ANKRD28: variants seen among roughly 807,000 people sequenced by gnomAD.
ANKRD28 encodes the protein serine/threonine-protein phosphatase 6 regulatory ankyrin repeat subunit A.
ANKRD28 carries 44 observed loss-of-function variants against 126.5 expected under a neutral mutation model. That is an observed-to-expected ratio of 0.35 (90% CI 0.27 to 0.45). ANKRD28 has a LOEUF of 0.45. ANKRD28 is among the 20% of genes least tolerant of loss of function. The pLI is 1.00. For missense variants in ANKRD28, 1,110 were observed against 1,316.6 expected, an observed-to-expected ratio of 0.84 and a Z score of 2.43; for synonymous variants, 442 against 468.5, an observed-to-expected ratio of 0.94 and a Z score of 0.73.
Position 15,679,387 on chromosome 3 carries a change from G to A in ANKRD28, c.2478-3C>T. The stretch of plus-strand genomic sequence containing the variant: ...CAGCACCTTCGTTGTCATTTATCCT[G>A]TGTAAGGTAACAAGGTGATCATTCT... On this transcript the variant is annotated splice_polypyrimidine_tract_variant and splice_region_variant and intron_variant, in intron 22 of 27. Coordinates refer to ENST00000683139, the MANE Select transcript of ANKRD28 (RefSeq NM_001349278.2). The A allele has an allele frequency of 6.2e-7, 1 of 1,613,796 alleles. No homozygotes were observed. Among genetic ancestry groups the A allele is most frequent in the Non-Finnish European group, 8.5e-7 (1 of 1,179,728 alleles).
At chr3:15,747,263 C>T (rs761014828) in intron 4 of ANKRD28, among the ~76,000 whole-genome samples, 4 of 151,068 alleles carry the variant, frequency 2.6e-5, no homozygotes, top group Non-Finnish European at 5.9e-5. Flanking sequence ...TCTTGTTTCT[C>T]CAGTTCTGTG....
intron 6 of ANKRD28, among the ~76,000 whole-genome samples, chr3:15,726,564 G>T (rs1481933023): frequency 6.6e-6 from 1 of 152,192 alleles, no homozygotes; most frequent in Non-Finnish European, 1.5e-5. Flanking sequence ...TCCAGCAAAG[G>T]TTGATTCATG....
At chr3:15,806,471 C>A (rs972165650) in intron 1 of ANKRD28, among the ~76,000 whole-genome samples, 6 of 152,038 alleles carry the variant, frequency 3.9e-5, no homozygotes, top group Non-Finnish European at 8.8e-5. Flanking sequence ...TCATCATTAC[C>A]TCTTAGAAGG....
intron 6 of ANKRD28, 80 bp from the exon 7 acceptor site, chr3:15,724,604 A>G: frequency 7.5e-7 from 1 of 1,342,140 alleles, no homozygotes. Context: ...TCTTTAAGCA[A>G]ATTTAAAAAA....
In ANKRD28 at chr3:15,796,508, C is replaced by T; in HGVS notation, c.14G>A (p.Cys5Tyr). The T allele has an allele frequency of 7.8e-7, 1 of 1,286,792 alleles. No individual in the cohort carries two copies. The highest frequency in any genetic ancestry group is 1.0e-6 in the Non-Finnish European group (1 of 987,356). 79.7% of individuals were successfully genotyped at this position (1,286,792 alleles called of 1,614,324 possible). Residue 5 changes from cysteine to tyrosine, a missense_variant, in exon 1 of 28, where the codon TGT (cysteine) becomes TAT (tyrosine). Physicochemically the swap from Cys to Tyr is radical, Grantham distance 194. Coordinates refer to ENST00000683139, the MANE Select transcript of ANKRD28 (RefSeq NM_001349278.2). ...TTCTACCTCCTCCAAAACAACAATA[C>T]ACACTCGACTCATTCGATCTTTTAA... MSRVCIVVLEEVEDE... is the reference protein window; with the variant it reads MSRVYIVVLEEVEDE...
chr3:15,749,945 T>C (rs971277490), intron 4 of ANKRD28, among the ~76,000 whole-genome samples: 4 of 152,196 alleles, frequency 2.6e-5, no homozygotes, highest in Admixed American at 2.6e-4. Flanking sequence ...TGTGTTTCTG[T>C]TTAGTCATCT....
chr3:15,688,132 A>G (rs552677892), intron 18 of ANKRD28, among the ~76,000 whole-genome samples: 5 of 150,092 alleles, frequency 3.3e-5, no homozygotes, highest in Middle Eastern at 3.4e-3. Flanking sequence ...GGGACTGGCT[A>G]ATGTCTCAGT....
At chr3:15,728,584 T>C (rs567595830) in intron 6 of ANKRD28, among the ~76,000 whole-genome samples, 34 of 152,210 alleles carry the variant, frequency 2.2e-4, no homozygotes, top group Non-Finnish European at 4.4e-4. Flanking sequence ...TGTGAGCCAC[T>C]GCAGGGAGAC....
At chr3:15,848,938 T>C (rs983018895) in intron 1 of ANKRD28, among the ~76,000 whole-genome samples, 2 of 152,112 alleles carry the variant, frequency 1.3e-5, no homozygotes, top group African/African-American at 4.8e-5. Flanking sequence ...TCACGGAAAA[T>C]TATCTCTAGC....
rs1008732540 is a variant in ANKRD28, at chr3:15,853,712, G to A, written c.27+5665C>T. Among the ~76,000 whole-genome samples, 4 of 151,958 alleles carry A rather than the reference G, an allele frequency of 2.6e-5. No homozygotes were observed. Among genetic ancestry groups the A allele is most frequent in the Non-Finnish European group, 4.4e-5 (3 of 67,982 alleles). ...TCTCGATCTCCTGACCTCATGATCC[G>A]CCCGCCTCGGTCTCCCAAAGTGCTG... is the stretch of plus-strand genomic sequence containing the variant. On this transcript the variant is annotated intron_variant, in intron 1 of 27. Coordinates refer to the ANKRD28 transcript ENST00000399451. The surrounding 1 kb of genome is among the most constrained non-coding windows in gnomAD (Gnocchi z 4.2).
chr3:15,749,903 G>C (rs1274672980), intron 4 of ANKRD28, among the ~76,000 whole-genome samples: 3 of 152,208 alleles, frequency 2.0e-5, no homozygotes, highest in Non-Finnish European at 4.4e-5. Flanking sequence ...GGAGGTAGCA[G>C]GGGAGTGAAG....
intron 12 of ANKRD28, among the ~76,000 whole-genome samples, chr3:15,710,020 A>G (rs977257312): frequency 1.7e-4 from 24 of 142,276 alleles, no homozygotes; most frequent in Non-Finnish European, 7.5e-5. Flanking sequence ...GGCTTTAGGA[A>G]ACAACTTGCT....
chr3:15,706,933 G>A (rs2071519438), intron 14 of ANKRD28, among the ~76,000 whole-genome samples: 1 of 151,778 alleles, frequency 6.6e-6, no homozygotes, highest in African/African-American at 2.4e-5. Flanking sequence ...TTTTTGATGG[G>A]GTTGTTTGAA....
intron 6 of ANKRD28, chr3:15,731,802 ATCACGCC>A (rs1325253329): frequency 7.5e-6 from 1 of 132,572 alleles, no homozygotes; most frequent in Non-Finnish European, 1.6e-5. Flanking sequence ...GTGAGCCGAG[ATCACGCC>A]ATTGCACTCC....
intron 21 of ANKRD28, 25 bp downstream of exon 21, chr3:15,685,200 TA>T: frequency 6.3e-7 from 1 of 1,587,854 alleles, no homozygotes; most frequent in Non-Finnish European, 8.6e-7. Context: ...TACACAATGA[TA>T]TGCATTTGTG....
chr3:15,829,279 A>C (rs904974281), intron 1 of ANKRD28, among the ~76,000 whole-genome samples: 2 of 152,204 alleles, frequency 1.3e-5, no homozygotes, highest in Non-Finnish European at 2.9e-5. Context: ...TGTCTGGCTT[A>C]ACAGAAAATA....
At chr3:15,766,170 T>A in intron 3 of ANKRD28, 64 bp downstream of exon 3, 1 of 1,288,214 alleles carries the variant, frequency 7.8e-7, no homozygotes. Context: ...CAATTATGAT[T>A]GAGAAACATT....
At position 15,741,697 on chromosome 3, in the gene ANKRD28, C is replaced by CTTTTTTTTTTTTTTTTTTTTTTTTT. The variant is rs58655271; in HGVS notation, c.352-4489_352-4465dup. On this transcript the variant is annotated intron_variant, in intron 4 of 27. Coordinates refer to ENST00000683139, the MANE Select transcript of ANKRD28 (RefSeq NM_001349278.2). The stretch of plus-strand genomic sequence containing the variant: ...ACCAGTTTTCCCCTTTGGTTCTATC[C>CTTTTTTTTTTTTTTTTTTTTTTTTT]TTTTTTTTTTTTTTTTTTTTTTTTT... Among the ~76,000 whole-genome samples the CTTTTTTTTTTTTTTTTTTTTTTTTT allele has an allele frequency of 5.3e-4, 18 of 33,664 alleles. 3 individuals carry two copies. The highest frequency in any genetic ancestry group is 7.4e-4 in the Non-Finnish European group (12 of 16,262). 22.1% of individuals were successfully genotyped at this position (33,664 alleles called of 152,430 possible). A position where few individuals can be genotyped will look rare whatever the true frequency, so the allele number is the denominator to read the frequency against.
At chr3:15,808,536 G>A (rs1046474776) in intron 1 of ANKRD28, among the ~76,000 whole-genome samples, 21 of 152,064 alleles carry the variant, frequency 1.4e-4, no homozygotes, top group Non-Finnish European at 8.8e-5. Flanking sequence ...CATTTATTAA[G>A]TACTTCTTAC....
Sources: allele counts gnomAD v4.1 joint callset (sites outside exome capture counted in the v4.1 genomes callset), GRCh38; gene constraint gnomAD v4.1.1; non-coding constraint Gnocchi (gnomAD v3.1); transcripts MANE v1.5; gene names NCBI Gene and HGNC (gene_info 2026-07-23, HGNC 2026-07-21).